The following PHACTR4 variants were observed in gnomAD, a reference collection of about 807,000 sequenced individuals.
The protein encoded by PHACTR4 is phosphatase and actin regulator 4.
A neutral mutation model predicts 72.7 loss-of-function variants in PHACTR4; 51 were observed. The ratio of observed to expected loss-of-function variants is 0.70; its 90% CI spans 0.56 to 0.89. The LOEUF (loss-of-function observed/expected upper bound fraction) is 0.89. Ranked by LOEUF, PHACTR4 falls within the 40% of genes least tolerant of loss-of-function variation. PHACTR4 has a pLI of 0.00. For synonymous variants in PHACTR4, 255 were observed against 302.5 expected (o/e 0.84, Z 1.63); for missense variants, 731 against 861.8 (o/e 0.85, Z 1.90).
intron 2 of PHACTR4, among the ~76,000 whole-genome samples, chr1:28,415,606 A>G (rs1016209781): frequency 6.6e-6 from 1 of 152,230 alleles, no homozygotes; most frequent in African/African-American, 2.4e-5. Flanking sequence ...AATGTTTTAA[A>G]TCATCTGAAT....
chr1:28,396,992 C>G (rs922190222), intron 1 of PHACTR4, among the ~76,000 whole-genome samples: 6 of 151,644 alleles, frequency 4.0e-5, no homozygotes, highest in Admixed American at 3.3e-4. Flanking sequence ...CGTGCCTGGC[C>G]GTGATATGCT....
chr1:28,395,450 A>G (rs942891361), intron 1 of PHACTR4, among the ~76,000 whole-genome samples: 1 of 152,134 alleles, frequency 6.6e-6, no homozygotes, highest in Non-Finnish European at 1.5e-5. Context: ...TTGCTTATCA[A>G]TAAGCCACAC....
At chr1:28,369,916 C>T (rs1651086158) in intron 1 of PHACTR4, 91 bp downstream of exon 1, 1 of 395,416 alleles carries the variant, frequency 2.5e-6, no homozygotes, top group Non-Finnish European at 4.9e-6. Flanking sequence ...CTTGGCTCTG[C>T]GAGAGGGTCC....
At chr1:28,494,800 G>C (rs1003719393) in intron 13 of PHACTR4, among the ~76,000 whole-genome samples, 6 of 152,192 alleles carry the variant, frequency 3.9e-5, no homozygotes, top group Non-Finnish European at 7.3e-5. Flanking sequence ...GCAGTCCCTC[G>C]CAATGCTTTG....
chr1:28,491,782 G>A lies in PHACTR4; in HGVS notation c.2011G>A (p.Asp671Asn). ...ACCTTGGACCAAACTGACCCCTGCT[G>A]ACAAGGTACCTGGAAAGCACTCTCT... ...DKPWTKLTPA[D>N]KAAIRKELNE... Residue 671 changes from aspartate to asparagine, a missense_variant, in exon 12 of 14, where the codon GAC (aspartate) becomes AAC (asparagine). Transcript: ENST00000373839. 2 of 1,613,264 alleles carry A rather than the reference G, an allele frequency of 1.2e-6. No homozygotes were observed. Among genetic ancestry groups the A allele is most frequent in the South Asian group, 1.1e-5 (1 of 90,962 alleles).
At chr1:28,414,344 G>A (rs550060219) in intron 2 of PHACTR4, among the ~76,000 whole-genome samples, 8 of 150,588 alleles carry the variant, frequency 5.3e-5, no homozygotes, top group Admixed American at 1.3e-4. Context: ...GAGATTACAG[G>A]CATGAGCCTC....
intron 2 of PHACTR4, among the ~76,000 whole-genome samples, chr1:28,425,008 G>C (rs1437017227): frequency 6.6e-6 from 1 of 151,510 alleles, no homozygotes; most frequent in Non-Finnish European, 1.5e-5. Flanking sequence ...GGTCAGGCTG[G>C]TCTCGAACTC....
chr1:28,453,916 A>G (rs1658167937), intron 2 of PHACTR4: 1 of 787,684 alleles, frequency 1.3e-6, no homozygotes, highest in Non-Finnish European at 2.1e-6. Flanking sequence ...TCAGGCAGGA[A>G]AAGAATACAT....
intron 2 of PHACTR4, among the ~76,000 whole-genome samples, chr1:28,435,365 A>G (rs539754776): frequency 2.6e-5 from 4 of 152,280 alleles, no homozygotes; most frequent in Non-Finnish European, 4.4e-5. Flanking sequence ...CCTGAGTTCA[A>G]GCGATTCTCA....
intron 11 of PHACTR4, 55 bp from the exon 12 acceptor site, chr1:28,491,595 C>T: frequency 6.2e-7 from 1 of 1,611,782 alleles, no homozygotes; most frequent in Admixed American, 1.7e-5. Flanking sequence ...AATTTGAATG[C>T]ATGATTGATG....
chr1:28,413,250 G>C (rs1043975027), intron 2 of PHACTR4, among the ~76,000 whole-genome samples: 1 of 152,186 alleles, frequency 6.6e-6, no homozygotes, highest in Non-Finnish European at 1.5e-5. Flanking sequence ...GGCTCACCTG[G>C]GTACTGTGTT....
chr1:28,448,775 A>C (rs1478489123), intron 2 of PHACTR4, among the ~76,000 whole-genome samples: 3 of 146,032 alleles, frequency 2.1e-5, no homozygotes, highest in East Asian at 3.9e-4. Flanking sequence ...AAAAAAAAAA[A>C]AAAAAAAAAA....
At chr1:28,416,727 G>T (rs1010594130) in intron 2 of PHACTR4, among the ~76,000 whole-genome samples, 1 of 152,150 alleles carries the variant, frequency 6.6e-6, no homozygotes, top group Non-Finnish European at 1.5e-5. Context: ...AATGTGTCAT[G>T]CACCCTGGAC....
Position 28,496,748 on chromosome 1 carries a change from G to C in PHACTR4, c.*199G>C. The C allele has an allele frequency of 1.6e-6, 1 of 637,626 alleles. No homozygotes were observed. The highest frequency in any genetic ancestry group is 1.9e-5 in the South Asian group (1 of 53,568). The allele number at this position is 637,626 out of a possible 1,614,324, so 39.5% of individuals were successfully genotyped here. ...TGCACCGGGGGCAAAACAACACTTT[G>C]TCAGTGCTTTTGAACCTTTCAATAT... On this transcript the variant is annotated 3_prime_UTR_variant, in exon 14 of 14. Coordinates refer to ENST00000373839, the MANE Select transcript of PHACTR4 (RefSeq NM_001048183.3).
chr1:28,405,766 C>T (rs1182945908), intron 1 of PHACTR4, among the ~76,000 whole-genome samples: 1 of 151,816 alleles, frequency 6.6e-6, no homozygotes, highest in Non-Finnish European at 1.5e-5. Context: ...TGGCAGGTGC[C>T]TGTAATCCCA....
At position 28,499,430 on chromosome 1, in the gene PHACTR4, G is replaced by C. The variant is rs775491489; in HGVS notation, c.*2881G>C. 1 of 152,054 alleles carries C rather than the reference G, an allele frequency of 6.6e-6. No homozygotes were observed. Among genetic ancestry groups the C allele is most frequent in the Admixed American group, 6.6e-5 (1 of 15,192 alleles). 9.4% of individuals were successfully genotyped at this position (152,054 alleles called of 1,614,324 possible). ...GATTACAGGCATGAGCCACCGTGCC[G>C]AGCCTTCCTTGAAGTTTTTTGTTTG... On this transcript the variant is annotated 3_prime_UTR_variant, in exon 14 of 14. Transcript: ENST00000373839.
intron 9 of PHACTR4, among the ~76,000 whole-genome samples, chr1:28,485,749 A>G (rs1346094137): frequency 2.7e-5 from 4 of 150,374 alleles, no homozygotes; most frequent in Non-Finnish European, 4.4e-5. Flanking sequence ...AAATACAAAA[A>G]TTAGCCGGGT....
At chr1:28,481,873 A>C (rs912050142) in intron 9 of PHACTR4, among the ~76,000 whole-genome samples, 8 of 151,788 alleles carry the variant, frequency 5.3e-5, no homozygotes, top group African/African-American at 1.9e-4. Context: ...GAAATTGAAG[A>C]TGTAGCTGCC....
At chr1:28,412,044 C>T (rs1413965776) in intron 2 of PHACTR4, among the ~76,000 whole-genome samples, 1 of 152,072 alleles carries the variant, frequency 6.6e-6, no homozygotes, top group Non-Finnish European at 1.5e-5. Flanking sequence ...GATGCTTACA[C>T]ATTTCATTAT....
Sources: allele counts gnomAD v4.1 joint callset (sites outside exome capture counted in the v4.1 genomes callset), GRCh38; gene constraint gnomAD v4.1.1; transcripts MANE v1.5; gene names NCBI Gene and HGNC (gene_info 2026-07-23, HGNC 2026-07-21).